Variants in ZNF681 observed in about 807,000 individuals in gnomAD.
ZNF681 encodes the protein hypothetical protein FLJ31526.
ZNF681 carries 37 observed loss-of-function variants against 56.0 expected under a neutral mutation model. That is an observed-to-expected ratio of 0.66 (90% CI 0.51 to 0.87). The LOEUF (loss-of-function observed/expected upper bound fraction) is 0.87. ZNF681 is among the 40% of genes least tolerant of loss of function. ZNF681 has a pLI of 0.00. For synonymous variants in ZNF681, 225 were observed against 248.6 expected, an observed-to-expected ratio of 0.91 and a Z score of 0.89; for missense variants, 741 against 744.9, an observed-to-expected ratio of 0.99 and a Z score of 0.06.
At chr19:23,754,015 T>C (rs1051411072) in intron 3 of ZNF681, among the ~76,000 whole-genome samples, 4 of 151,638 alleles carry the variant, frequency 2.6e-5, no homozygotes, top group African/African-American at 9.7e-5. Flanking sequence ...GAAAGCAATC[T>C]TGAGAAAAAA....
chr19:23,748,516 C>G (rs1208260200), intron 3 of ZNF681, among the ~76,000 whole-genome samples: 1 of 152,184 alleles, frequency 6.6e-6, no homozygotes, highest in Non-Finnish European at 1.5e-5. Flanking sequence ...TTCTCCCTAT[C>G]TCCTTTACTC....
rs764609381 is a variant in ZNF681, at chr19:23,743,744, G to A, written c.1806C>T (p.Ser602=). 6.2e-7 allele frequency: 1 copy of A among 1,608,874 alleles called. No homozygotes were observed. Among genetic ancestry groups the A allele is most frequent in the South Asian group, 1.1e-5 (1 of 90,428 alleles). Reference sequence around the variant, plus strand: ...TTTTCTTATGTCCAGTAAGGTTTGAGGACTGGTTAAAAGCTTTGCCACATT... The same window carrying A: ...TTTTCTTATGTCCAGTAAGGTTTGAAGACTGGTTAAAAGCTTTGCCACATT... ...CEKCGKAFNQ[S]SNLTGHKKIH... is the part of the protein sequence containing the mutation. Residue 602 remains serine, a synonymous_variant, in exon 4 of 4, where the codon TCC becomes TCT. Coordinates refer to ENST00000402377, the MANE Select transcript of ZNF681 (RefSeq NM_138286.3).
chr19:23,742,987 TTAAC>T lies in ZNF681; in HGVS notation c.*621_*624del, dbSNP rs1211046172. The T allele has an allele frequency of 6.6e-6, 1 of 152,238 alleles. No individual in the cohort carries two copies. The highest frequency in any genetic ancestry group is 2.4e-5 in the African/African-American group (1 of 41,446). 9.4% of individuals were successfully genotyped at this position (152,238 alleles called of 1,614,324 possible). A position where few individuals can be genotyped will look rare whatever the true frequency, so the allele number is the denominator to read the frequency against. On this transcript the variant is annotated 3_prime_UTR_variant, in exon 4 of 4. Transcript: ENST00000402377. ...GTGTAATGCCTGAAGTGTCAGTGCC[TTAAC>T]TATTTCTACTGTGAATTATCTGATA...
At chr19:23,750,523 A>T (rs961954976) in intron 3 of ZNF681, among the ~76,000 whole-genome samples, 2 of 151,958 alleles carry the variant, frequency 1.3e-5, no homozygotes, top group African/African-American at 4.8e-5. Context: ...CAAGAAACTA[A>T]TATTAAGAAA....
rs1968858622 is a variant in ZNF681 at position 23,740,002 on chromosome 19, AAAATT to A, written c.*3605_*3609del. The stretch of plus-strand genomic sequence containing the variant: ...ACATTGTGGCATAAGTATACTGTAG[AAAATT>A]AAATTAAAAGTTTAATTTCTAAGAT... On this transcript the variant is annotated 3_prime_UTR_variant, in exon 4 of 4. Transcript: ENST00000402377. 6.6e-6 allele frequency: 1 copy of A among 152,216 alleles called. No individual in the cohort carries two copies. The highest frequency in any genetic ancestry group is 1.5e-5 in the Non-Finnish European group (1 of 68,026). 9.4% of individuals were successfully genotyped at this position (152,216 alleles called of 1,614,324 possible). A position where few individuals can be genotyped will look rare whatever the true frequency, so the allele number is the denominator to read the frequency against.
chr19:23,744,468 G>C lies in ZNF681; in HGVS notation c.1082C>G (p.Thr361Ser). Residue 361 changes from threonine (T) to serine (S), a missense_variant, in exon 4 of 4, where the codon ACT (threonine) becomes AGT (serine). Physicochemically the swap from Thr to Ser is moderately conservative, Grantham distance 58 (BLOSUM62 1). Transcript: ENST00000402377. ...SHLTRHKIIH[T>S]GEKPYRCEEC... ...TTCACATCTGTAGGGCTTCTCTCCA[G>C]TATGAATTATCTTATGTCTGGTAAG... 1.3e-6 allele frequency: 2 copies of C among 1,578,390 alleles called. No homozygotes were observed. The highest frequency in any genetic ancestry group is 1.7e-6 in the Non-Finnish European group (2 of 1,159,188).
chr19:23,758,398 C>T (rs1159164862), intron 1 of ZNF681, among the ~76,000 whole-genome samples: 1 of 152,216 alleles, frequency 6.6e-6, no homozygotes, highest in East Asian at 1.9e-4. Flanking sequence ...GAAAGAGAGA[C>T]TAGGAACGCC....
At chr19:23,752,329 G>A (rs1969043909) in intron 3 of ZNF681, among the ~76,000 whole-genome samples, 1 of 152,172 alleles carries the variant, frequency 6.6e-6, no homozygotes, top group Admixed American at 6.5e-5. Flanking sequence ...TTATAGCCAT[G>A]CAGCAGGCCT....
chr19:23,747,254 A>C (rs1379137908), intron 3 of ZNF681, among the ~76,000 whole-genome samples: 2 of 152,204 alleles, frequency 1.3e-5, no homozygotes, highest in East Asian at 3.8e-4. Flanking sequence ...ATACTCTTCA[A>C]CATAGTTTTA....
chr19:23,747,082 C>A (rs1968954711), intron 3 of ZNF681, among the ~76,000 whole-genome samples: 3 of 152,136 alleles, frequency 2.0e-5, no homozygotes, highest in Admixed American at 2.0e-4. Context: ...GCACTCCAGC[C>A]TGGGTAACAG....
At chr19:23,754,080 A>G (rs1969077074) in intron 3 of ZNF681, among the ~76,000 whole-genome samples, 2 of 151,644 alleles carry the variant, frequency 1.3e-5, no homozygotes. Context: ...TTTGAAGACT[A>G]TAGTAATACA....
In ZNF681 at chr19:23,740,948, C is replaced by G. The variant is rs555065302; in HGVS notation, c.*2664G>C. 6.6e-6 allele frequency: 1 copy of G among 152,090 alleles called. No individual in the cohort carries two copies. Among genetic ancestry groups the G allele is most frequent in the East Asian group, 1.9e-4 (1 of 5,178 alleles). 9.4% of individuals were successfully genotyped at this position (152,090 alleles called of 1,614,324 possible). A position where few individuals can be genotyped will look rare whatever the true frequency, so the allele number is the denominator to read the frequency against. ...AAAATTATGGGTCTAGCCTAAGAAT[C>G]AGGCAAGTAAAAACAAAAATTTGCA... On this transcript the variant is annotated 3_prime_UTR_variant, in exon 4 of 4. Transcript: ENST00000402377.
In ZNF681 at chr19:23,744,980, T is replaced by C. The variant is rs1260181286; in HGVS notation, c.570A>G (p.Ile190Met). 1.3e-6 allele frequency: 2 copies of C among 1,600,004 alleles called. No homozygotes were observed. The highest frequency in any genetic ancestry group is 1.3e-5 in the African/African-American group (1 of 74,304). The change falls in exon 4 of 4, where the codon ATA becomes ATG. Residue 190 changes from isoleucine to methionine, a missense_variant. Transcript: ENST00000402377. ...CIFSNLTQHK[I>M]ICTRVNFYKC... is the part of the protein sequence containing the mutation. ...TGTAGAAATTTACTCTAGTACAAAT[T>C]ATTTTATGTTGAGTTAGGTTTGAAA...
rs1968858955 is a variant in ZNF681, at chr19:23,740,049, T to C, written c.*3563A>G. The C allele has an allele frequency of 6.6e-6, 1 of 152,176 alleles. No homozygotes were observed. Among genetic ancestry groups the C allele is most frequent in the African/African-American group, 2.4e-5 (1 of 41,448 alleles). 9.4% of individuals were successfully genotyped at this position (152,176 alleles called of 1,614,324 possible). A position where few individuals can be genotyped will look rare whatever the true frequency, so the allele number is the denominator to read the frequency against. ...TTCTAAGATATATTTTCAAGCAAAT[T>C]TTATATTTGCCACACTTTGTGTAAG... On this transcript the variant is annotated 3_prime_UTR_variant, in exon 4 of 4. Transcript: ENST00000402377.
intron 3 of ZNF681, among the ~76,000 whole-genome samples, chr19:23,747,809 TG>T (rs1192813895): frequency 2.6e-5 from 4 of 152,016 alleles, no homozygotes; most frequent in Admixed American, 1.3e-4. Flanking sequence ...AAGGTGGTAC[TG>T]ACACAAAGAC....
At position 23,757,738 on chromosome 19, in the gene ZNF681, A is replaced by G. The variant is rs186468670; in HGVS notation, c.3+1009T>C. On this transcript the variant is annotated intron_variant, in intron 1 of 3. Coordinates refer to ENST00000402377, the MANE Select transcript of ZNF681 (RefSeq NM_138286.3). Reference sequence around the variant, plus strand: ...TTAAGGGTAGGGCCAGACCTAAATAAGGCCTCCAAAAAGGTGAACCTGAGC... The same window carrying G: ...TTAAGGGTAGGGCCAGACCTAAATAGGGCCTCCAAAAAGGTGAACCTGAGC... 3.0e-3 allele frequency among the ~76,000 whole-genome samples: 462 copies of G among 152,214 alleles called. 3 individuals are homozygous for G. Among genetic ancestry groups the G allele is most frequent in the African/African-American group, 0.011 (440 of 41,532 alleles).
In ZNF681 at chr19:23,739,625, T is replaced by TAAAAGGGCA. The variant is rs896924951; in HGVS notation, c.*3978_*3986dup. On this transcript the variant is annotated 3_prime_UTR_variant, in exon 4 of 4. Transcript: ENST00000402377. ...ATATTACAGACGGTATGAAAGACAC[T>TAAAAGGGCA]AAAAGGGCAGCTGTTTCTTATGGTC... The TAAAAGGGCA allele has an allele frequency of 3.9e-5, 6 of 152,304 alleles. No homozygotes were observed. The highest frequency in any genetic ancestry group is 1.4e-4 in the African/African-American group (6 of 41,576). The allele number at this position is 152,304 out of a possible 1,614,324, so 9.4% of individuals were successfully genotyped here. A position where few individuals can be genotyped will look rare whatever the true frequency, so the allele number is the denominator to read the frequency against.
intron 3 of ZNF681, among the ~76,000 whole-genome samples, chr19:23,749,208 T>C (rs556185343): frequency 6.6e-6 from 1 of 152,182 alleles, no homozygotes; most frequent in East Asian, 1.9e-4. Context: ...AGAATTATTA[T>C]GTCACCTGAA....
At chr19:23,749,974 C>T (rs891446203) in intron 3 of ZNF681, among the ~76,000 whole-genome samples, 2 of 150,930 alleles carry the variant, frequency 1.3e-5, no homozygotes, top group African/African-American at 4.9e-5. Flanking sequence ...AAAACAATCA[C>T]TGAAAATCAA....
Sources: gnomAD v4.1 joint callset for allele counts (sites outside exome capture counted in the v4.1 genomes callset) on GRCh38, gnomAD v4.1.1 for gene constraint, MANE v1.5 for transcripts, NCBI Gene and HGNC (gene_info 2026-07-23, HGNC 2026-07-21) for gene names.